Variants in SLC2A1 observed in about 807,000 individuals in gnomAD.
SLC2A1 encodes solute carrier family 2, facilitated glucose transporter member 1.
A neutral mutation model predicts 46.6 loss-of-function variants in SLC2A1; 4 were observed. The observed-to-expected ratio is 0.09, with a 90% CI of 0.04 to 0.20. The LOEUF (loss-of-function observed/expected upper bound fraction) is 0.20, where lower values mean the gene tolerates loss of function less well. Ranked by LOEUF, SLC2A1 falls within the 10% of genes least tolerant of loss-of-function variation. The probability of loss-of-function intolerance (pLI) is 1.00; values close to 1 mark genes in which losing one functional copy is unlikely to be tolerated. For missense variants in SLC2A1, 352 were observed against 667.0 expected (o/e 0.53, Z 5.20); for synonymous variants, 253 against 270.0 (o/e 0.94, Z 0.62).
intron 2 of SLC2A1, among the ~76,000 whole-genome samples, chr1:42,936,578 C>G (rs1264245815): frequency 6.6e-6 from 1 of 152,122 alleles, no homozygotes; most frequent in Non-Finnish European, 1.5e-5. Context: ...CCCCAACCCC[C>G]CTGCAGAGGG....
At chr1:42,958,521 C>T in intron 1 of SLC2A1, 113 bp downstream of exon 1, 3 of 831,006 alleles carry the variant, frequency 3.6e-6, no homozygotes, top group Non-Finnish European at 3.2e-6. Context: ...GGCGCGCGGC[C>T]CGCCCCGGGC....
rs1165760349 is a variant in SLC2A1, at chr1:42,925,847, A to C, written c.*1194T>G. 1 of 152,208 alleles carries C rather than the reference A, an allele frequency of 6.6e-6. No individual in the cohort carries two copies. Among genetic ancestry groups the C allele is most frequent in the African/African-American group, 2.4e-5 (1 of 41,452 alleles). 9.4% of individuals were successfully genotyped at this position (152,208 alleles called of 1,614,324 possible). A position where few individuals can be genotyped will look rare whatever the true frequency, so the allele number is the denominator to read the frequency against. ...CCTGTCCAATAAAGGTACAGTATTT[A>C]CTTCACATTCAAAATAATGCATTTC... On this transcript the variant is annotated 3_prime_UTR_variant, in exon 10 of 10. Transcript: ENST00000426263.
Position 42,944,372 on chromosome 1 carries a change from T to C in SLC2A1, c.19-1051A>G, listed in dbSNP as rs115770464. Among the ~76,000 whole-genome samples the C allele has an allele frequency of 5.9e-3, 897 of 152,226 alleles. 6 individuals carry two copies. The highest frequency in any genetic ancestry group is 9.2e-3 in the Non-Finnish European group (625 of 67,996). On this transcript the variant is annotated intron_variant, in intron 1 of 9. Coordinates refer to ENST00000426263, the MANE Select transcript of SLC2A1 (RefSeq NM_006516.4). ...ATGAGGAAGTCAGGAAATGTGACAT[T>C]AGGCAGGCCTTTAACTGATTGTGGG...
At chr1:42,951,711 T>C in intron 1 of SLC2A1, 1 of 396,958 alleles carries the variant, frequency 2.5e-6, no homozygotes. Context: ...ATCTAAGAAC[T>C]TTATTGGACA....
chr1:42,930,214 G>C lies in SLC2A1; in HGVS notation c.517-179C>G, dbSNP rs1032710448. ...TTTCCTCATCGGTCACATGGGAAAAGTAGGACCTACCCCACAGTGTTGCTG... is the reference window on the plus strand; with the variant it reads ...TTTCCTCATCGGTCACATGGGAAAACTAGGACCTACCCCACAGTGTTGCTG... On this transcript the variant is annotated intron_variant, in intron 4 of 9. Coordinates refer to ENST00000426263, the MANE Select transcript of SLC2A1 (RefSeq NM_006516.4). The surrounding 1 kb of genome is among the most constrained non-coding windows in gnomAD (Gnocchi z 6.2). The C allele has an allele frequency of 1.4e-6, 1 of 716,250 alleles. No homozygotes were observed. The highest frequency in any genetic ancestry group is 2.7e-5 in the East Asian group (1 of 37,062). 44.4% of individuals were successfully genotyped at this position (716,250 alleles called of 1,614,324 possible).
At chr1:42,957,772 G>A (rs1372894970) in intron 1 of SLC2A1, among the ~76,000 whole-genome samples, 2 of 152,164 alleles carry the variant, frequency 1.3e-5, no homozygotes, top group Non-Finnish European at 2.9e-5. Context: ...GGTCCCCAGA[G>A]TCCCCATCCC....
Position 42,929,859 on chromosome 1 carries a change from G to A in SLC2A1, c.679+14C>T. Reference sequence around the variant, plus strand: ...GCTCAGGGAGTGGGGAGGAGGGCAGGGCCATGCCCGTACCACTCTTGGCCC... The same window carrying A: ...GCTCAGGGAGTGGGGAGGAGGGCAGAGCCATGCCCGTACCACTCTTGGCCC... On this transcript the variant is annotated intron_variant, in intron 5 of 9. Transcript: ENST00000426263. The surrounding 1 kb of genome is among the most constrained non-coding windows in gnomAD (Gnocchi z 6.0). 6.2e-7 allele frequency: 1 copy of A among 1,614,164 alleles called. No individual in the cohort carries two copies. The highest frequency in any genetic ancestry group is 8.5e-7 in the Non-Finnish European group (1 of 1,180,008).
chr1:42,948,471 T>C (rs1473040998), intron 1 of SLC2A1, among the ~76,000 whole-genome samples: 1 of 152,170 alleles, frequency 6.6e-6, no homozygotes, highest in Non-Finnish European at 1.5e-5. Context: ...GCATCCCACA[T>C]GGGTTCCCCA....
At chr1:42,956,449 G>A (rs1161787385) in intron 1 of SLC2A1, among the ~76,000 whole-genome samples, 1 of 148,042 alleles carries the variant, frequency 6.8e-6, no homozygotes, top group Non-Finnish European at 1.5e-5. Context: ...GCTGGGTGTG[G>A]TGGCACATGC....
chr1:42,956,407 C>CAAAAAAAAAAAAAAA (rs71577684), intron 1 of SLC2A1, among the ~76,000 whole-genome samples: 10 of 44,502 alleles, frequency 2.2e-4, no homozygotes, highest in African/African-American at 9.5e-4. Flanking sequence ...ACTAAAACTA[C>CAAAAAAAAAAAAAAA]AAAAAAAAAA....
intron 1 of SLC2A1, among the ~76,000 whole-genome samples, chr1:42,950,256 G>A (rs866003199): frequency 4.6e-5 from 7 of 152,008 alleles, no homozygotes; most frequent in African/African-American, 1.7e-4. Context: ...TACTGCAACA[G>A]CAAAGCTGAG....
intron 1 of SLC2A1, among the ~76,000 whole-genome samples, chr1:42,956,407 C>CAAAAA (rs71577684): frequency 4.0e-4 from 18 of 44,532 alleles, no homozygotes; most frequent in African/African-American, 1.7e-3. Context: ...ACTAAAACTA[C>CAAAAA]AAAAAAAAAA....
Position 42,925,369 on chromosome 1 carries a change from T to G in SLC2A1, c.*1672A>C, listed in dbSNP as rs549718956. 1.3e-5 allele frequency: 2 copies of G among 152,344 alleles called. No individual in the cohort carries two copies. Among genetic ancestry groups the G allele is most frequent in the South Asian group, 4.1e-4 (2 of 4,830 alleles). The allele number at this position is 152,344 out of a possible 1,614,324, so 9.4% of individuals were successfully genotyped here. A position where few individuals can be genotyped will look rare whatever the true frequency, so the allele number is the denominator to read the frequency against. ...TCTCCCAGATTTTGTCAGCTGAGCC[T>G]CTAGAGACAAATATCTTTGGTGTTT... On this transcript the variant is annotated 3_prime_UTR_variant, in exon 10 of 10. Coordinates refer to ENST00000426263, the MANE Select transcript of SLC2A1 (RefSeq NM_006516.4).
Position 42,952,874 on chromosome 1 carries a change from G to A in SLC2A1, c.18+5760C>T, listed in dbSNP as rs560200140. On this transcript the variant is annotated intron_variant, in intron 1 of 9. Transcript: ENST00000426263. ...TAGCTGGCCTGTCTGGGCTCCCACT[G>A]TGCTATGAAACCCAATCTGTGCTGC... 3.3e-5 allele frequency among the ~76,000 whole-genome samples: 5 copies of A among 152,294 alleles called. No individual in the cohort carries two copies. The South Asian group carries it at 1.0e-3, about 32-fold the overall frequency.
chr1:42,937,278 T>G (rs114104707), intron 2 of SLC2A1, among the ~76,000 whole-genome samples: 1,991 of 152,228 alleles, frequency 0.013, 45 homozygotes, highest in African/African-American at 0.046. Flanking sequence ...GTGGTGGAGG[T>G]GCAGAGTTGA....
chr1:42,945,689 G>A (rs1306935535), intron 1 of SLC2A1, among the ~76,000 whole-genome samples: 4 of 150,084 alleles, frequency 2.7e-5, no homozygotes, highest in East Asian at 3.9e-4. Context: ...GAAGTGAGCC[G>A]AGATGGCGCC....
At chr1:42,955,230 G>T (rs941825600) in intron 1 of SLC2A1, among the ~76,000 whole-genome samples, 1 of 152,200 alleles carries the variant, frequency 6.6e-6, no homozygotes, top group African/African-American at 2.4e-5. Context: ...GGACAGAGAC[G>T]TACATTCTTT....
Position 42,935,160 on chromosome 1 carries a change from G to A in SLC2A1, c.115-3954C>T, listed in dbSNP as rs569119300. Among the ~76,000 whole-genome samples, 36 of 152,234 alleles carry A rather than the reference G, an allele frequency of 2.4e-4. No individual in the cohort carries two copies. The East Asian group carries it at 2.5e-3, about 11-fold the overall frequency. On this transcript the variant is annotated intron_variant, in intron 2 of 9. Transcript: ENST00000426263. ...GGTGTCGGCCAGCCTAGAGCTGAGG[G>A]GCTACTACAGATCTCTGTCCAGGTG...
intron 2 of SLC2A1, among the ~76,000 whole-genome samples, chr1:42,932,536 A>C (rs1191754103): frequency 6.6e-6 from 1 of 152,052 alleles, no homozygotes; most frequent in African/African-American, 2.4e-5. Context: ...TTACAGCTCA[A>C]ACTCAATTCC....
Sources: allele counts gnomAD v4.1 joint callset (sites outside exome capture counted in the v4.1 genomes callset), GRCh38; gene constraint gnomAD v4.1.1; non-coding constraint Gnocchi (gnomAD v3.1); transcripts MANE v1.5; gene names NCBI Gene and HGNC (gene_info 2026-07-23, HGNC 2026-07-21).